OTOG: variants seen among roughly 807,000 people sequenced by gnomAD.
OTOG encodes otogelin.
OTOG carries 296 observed loss-of-function variants against 313.8 expected under a neutral mutation model. The ratio of observed to expected loss-of-function variants is 0.94; its 90% CI spans 0.86 to 1.04. The LOEUF is 1.04. OTOG is among the 50% of genes least tolerant of loss of function. The pLI, the probability that OTOG is intolerant of heterozygous loss-of-function variation, is 0.00. For missense variants in OTOG, 3,948 were observed against 3,840.1 expected, an observed-to-expected ratio of 1.03 and a Z score of -0.74; for synonymous variants, 1,533 against 1,554.9, an observed-to-expected ratio of 0.99 and a Z score of 0.33.
At position 17,634,129 on chromosome 11, in the gene OTOG, G is replaced by T. The variant is rs748915791; in HGVS notation, c.7328G>T (p.Ser2443Ile). 6.5e-5 allele frequency: 100 copies of T among 1,549,214 alleles called. No homozygotes were observed. The highest frequency in any genetic ancestry group is 8.5e-5 in the Non-Finnish European group (97 of 1,146,944). ...GGGGAGACCTGGAACAGCTCCCTCA[G>T]CGGCTGCTGCCAGCACCAGTGCCAA... Reference protein sequence around the residue: ...ALGETWNSSLSGCCQHQCQAP... With the variant: ...ALGETWNSSLIGCCQHQCQAP... Residue 2443 changes from serine to isoleucine, a missense_variant, in exon 44 of 56, where the codon AGC becomes ATC. Physicochemically the swap from Ser to Ile is moderately radical, Grantham distance 142 (BLOSUM62 -2). Transcript: ENST00000399397.
rs74921579 is a variant in OTOG, at chr11:17,558,600, C to T, written c.1059C>T (p.Val353=). 7.1e-4 allele frequency: 1,101 copies of T among 1,550,458 alleles called. 14 individuals carry two copies. In the African/African-American group the frequency reaches 0.012, roughly 17 times the overall value. ...RPPFDACHAY[V]SPLPFTASCT... is the part of the protein sequence containing the mutation. ...CCTTTGACGCCTGCCACGCCTACGT[C>T]AGCCCTCTGCCCTTCACAGCCAGTT... Residue 353 remains valine, a synonymous_variant, in exon 10 of 56, where the codon GTC becomes GTT. Transcript: ENST00000399397.
At position 17,642,218 on chromosome 11, in the gene OTOG, C is replaced by A. The variant is rs1017915178; in HGVS notation, c.8387C>A (p.Pro2796Gln). 8.4e-6 allele frequency: 13 copies of A among 1,550,144 alleles called. 1 individual carries two copies. The Admixed American group carries it at 9.8e-5, about 12-fold the overall frequency. The change falls in exon 53 of 56, where the codon CCA becomes CAA. Residue 2796 changes from proline (P) to glutamine (Q), a missense_variant. Transcript: ENST00000399397. ...CTGGTCCGCTCTCCCATAAGCTGCC[C>A]ACCGCTCAATGAGACTGAGTGTGCC... ...AVLVRSPISC[P>Q]PLNETECAKV...
intron 38 of OTOG, among the ~76,000 whole-genome samples, chr11:17,613,376 C>CCTTT (rs1367068620): frequency 9.2e-6 from 1 of 108,828 alleles, no homozygotes; most frequent in Non-Finnish European, 2.1e-5. Flanking sequence ...TTCCTTCCCT[C>CCTTT]CTTCCTTCCT....
intron 39 of OTOG, among the ~76,000 whole-genome samples, chr11:17,622,580 C>G (rs1299068182): frequency 6.6e-6 from 1 of 152,134 alleles, no homozygotes; most frequent in African/African-American, 2.4e-5. Flanking sequence ...GTTTTTAGAT[C>G]CCACACTTGA....
chr11:17,589,437 G>A (rs777766524), intron 24 of OTOG, among the ~76,000 whole-genome samples: 12 of 152,058 alleles, frequency 7.9e-5, no homozygotes, highest in East Asian at 1.9e-4. Flanking sequence ...TATTTTGCCC[G>A]TACAACAGAT....
intron 12 of OTOG, 106 bp downstream of exon 12, chr11:17,559,768 AAAGG>A: frequency 9.7e-7 from 1 of 1,027,482 alleles, no homozygotes; most frequent in Non-Finnish European, 1.4e-6. Flanking sequence ...GGAAGGAAGG[AAAGG>A]AGGGAGGGAG....
At position 17,561,625 on chromosome 11, in the gene OTOG, G is replaced by A. The variant is rs763953590; in HGVS notation, c.1499-37G>A. 9.0e-5 allele frequency: 140 copies of A among 1,549,574 alleles called. 1 individual carries two copies. In the East Asian group the frequency reaches 2.0e-3, roughly 22 times the overall value. ...TTGCAGGGCAGAGTTCCCCTGGGGC[G>A]GCTCCCATGGGTCAGTGGCCTTTTT... On this transcript the variant is annotated intron_variant, in intron 14 of 55. Coordinates refer to ENST00000399397, the MANE Select transcript of OTOG (RefSeq NM_001292063.2).
At position 17,549,408 on chromosome 11, in the gene OTOG, G is replaced by T. The variant is rs1013448756; in HGVS notation, c.216+1196G>T. On this transcript the variant is annotated intron_variant, in intron 3 of 55. Transcript: ENST00000399397. ...GGTGGAGTGAGGGGGGATGGTGTGG[G>T]CGTGCTTCTTCTCTGATGTGGATTT... Among the ~76,000 whole-genome samples the T allele has an allele frequency of 8.5e-5, 13 of 152,210 alleles. 1 individual carries two copies. Among genetic ancestry groups the T allele is most frequent in the Non-Finnish European group, 2.9e-5 (2 of 68,036 alleles).
intron 23 of OTOG, among the ~76,000 whole-genome samples, chr11:17,581,119 T>C (rs190834055): frequency 3.9e-4 from 60 of 152,268 alleles, no homozygotes; most frequent in Non-Finnish European, 7.8e-4. Flanking sequence ...GTTTCTTATA[T>C]AAACATGAAT....
At chr11:17,612,361 A>G (rs1460579498) in intron 37 of OTOG, 31 bp downstream of exon 37, 1 of 1,502,422 alleles carries the variant, frequency 6.7e-7, no homozygotes, top group Non-Finnish European at 8.9e-7. Flanking sequence ...AGCCTCCTGC[A>G]TCCTCCCTGT....
intron 23 of OTOG, among the ~76,000 whole-genome samples, chr11:17,585,428 T>C (rs1852769991): frequency 6.6e-6 from 1 of 152,258 alleles, no homozygotes; most frequent in Admixed American, 6.5e-5. Flanking sequence ...CAGGGGTTTG[T>C]CAATTTTATT....
chr11:17,559,110 G>C lies in OTOG; in HGVS notation c.1162G>C (p.Ala388Pro). ...ACTGGCGGAGTATGCCCGGGCGTGTGCCCAGGCAGGGCGGCCCTTGCAAGG... is the reference window on the plus strand; with the variant it reads ...ACTGGCGGAGTATGCCCGGGCGTGTCCCCAGGCAGGGCGGCCCTTGCAAGG... ...RALAEYARAC[A>P]QAGRPLQGWR... The change falls in exon 11 of 56, where the codon GCC becomes CCC. Residue 388 changes from alanine (A) to proline (P), a missense_variant. Transcript: ENST00000399397. 6.5e-7 allele frequency: 1 copy of C among 1,544,794 alleles called. No homozygotes were observed. The highest frequency in any genetic ancestry group is 1.2e-5 in the South Asian group (1 of 84,056).
chr11:17,601,568 T>C (rs1273076441), intron 31 of OTOG, among the ~76,000 whole-genome samples: 1 of 135,666 alleles, frequency 7.4e-6, no homozygotes, highest in African/African-American at 2.8e-5. Context: ...CTGAGGGCCA[T>C]GGAGAGCCAC....
In OTOG at chr11:17,610,699, C is replaced by G; in HGVS notation, c.5399C>G (p.Ser1800Cys). The G allele has an allele frequency of 6.4e-7, 1 of 1,550,532 alleles. No individual in the cohort carries two copies. Among genetic ancestry groups the G allele is most frequent in the Non-Finnish European group, 8.7e-7 (1 of 1,147,008 alleles). Residue 1800 changes from serine to cysteine, a missense_variant, in exon 36 of 56, where the codon TCT (serine) becomes TGT (cysteine). Physicochemically the swap from Ser to Cys is moderately radical, Grantham distance 112. Coordinates refer to ENST00000399397, the MANE Select transcript of OTOG (RefSeq NM_001292063.2). ...TCAACTCGTCCCTCCCAGCTCCTCTCTGGCCTGCCTCCCGACACCAGCCTG... is the reference window on the plus strand; with the variant it reads ...TCAACTCGTCCCTCCCAGCTCCTCTGTGGCCTGCCTCCCGACACCAGCCTG... ...LESTRPSQLL[S>C]GLPPDTSLPL...
At chr11:17,586,440 C>A in intron 23 of OTOG, 34 bp from the exon 24 acceptor site, 1 of 1,280,806 alleles carries the variant, frequency 7.8e-7, no homozygotes, top group Admixed American at 3.8e-5. Context: ...GGGAAGAGTG[C>A]TCTCCTGACC....
At chr11:17,593,973 T>C in intron 27 of OTOG, 74 bp from the exon 28 acceptor site, 1 of 1,534,706 alleles carries the variant, frequency 6.5e-7, no homozygotes, top group South Asian at 1.2e-5. Context: ...ACTCCTGGGC[T>C]CATGGTGACC....
rs1027463357 is a variant in OTOG at position 17,551,966 on chromosome 11, C to T, written c.217-34C>T. 3.2e-6 allele frequency: 5 copies of T among 1,543,742 alleles called. No homozygotes were observed. The African/African-American group carries it at 5.5e-5, about 17-fold the overall frequency. On this transcript the variant is annotated intron_variant, in intron 3 of 55. Transcript: ENST00000399397. ...CCTGGGAACCCGTCCTGAGGTCAGC[C>T]CTCGATGTGTTCTCTTCCTCCTGTC...
intron 8 of OTOG, among the ~76,000 whole-genome samples, chr11:17,557,543 T>G (rs1027995858): frequency 2.0e-4 from 31 of 152,160 alleles, no homozygotes; most frequent in African/African-American, 7.2e-4. Flanking sequence ...AAAATAGTCA[T>G]GATAAGAATT....
At chr11:17,639,962 G>C (rs1361244545) in intron 49 of OTOG, among the ~76,000 whole-genome samples, 1 of 135,710 alleles carries the variant, frequency 7.4e-6, no homozygotes. Flanking sequence ...GTGGTGGTGG[G>C]GACAGTGAGG....
Sources: gnomAD v4.1 joint callset for allele counts (sites outside exome capture counted in the v4.1 genomes callset) on GRCh38, gnomAD v4.1.1 for gene constraint, MANE v1.5 for transcripts, NCBI Gene and HGNC (gene_info 2026-07-23, HGNC 2026-07-21) for gene names.